PIK3C2G: variants seen among roughly 807,000 people sequenced by gnomAD.
PIK3C2G encodes the protein phosphatidylinositol-4-phosphate 3-kinase catalytic subunit type 2 gamma.
A neutral mutation model predicts 181.1 loss-of-function variants in PIK3C2G; 168 were observed. That is an observed-to-expected ratio of 0.93 (90% CI 0.82 to 1.05). The LOEUF is 1.05. Among genes scored for constraint, PIK3C2G ranks in the 50% least tolerant of loss-of-function variants. The pLI, the probability that PIK3C2G is intolerant of heterozygous loss-of-function variation, is 0.00. For synonymous variants in PIK3C2G, 573 were observed against 592.2 expected, an observed-to-expected ratio of 0.97 and a Z score of 0.47; for missense variants, 1,869 against 1,732.8, an observed-to-expected ratio of 1.08 and a Z score of -1.40.
chr12:18,403,802 C>T (rs530737418), intron 16 of PIK3C2G, among the ~76,000 whole-genome samples: 19 of 152,214 alleles, frequency 1.2e-4, no homozygotes, highest in African/African-American at 4.3e-4. Flanking sequence ...GAAGGGGGTG[C>T]TGTCAGGAAA....
At chr12:18,630,667 A>G (rs924295492) in intron 31 of PIK3C2G, among the ~76,000 whole-genome samples, 10 of 151,088 alleles carry the variant, frequency 6.6e-5, no homozygotes, top group African/African-American at 2.4e-4. Context: ...ATATCAAACT[A>G]TTTTTAAAAC....
intron 25 of PIK3C2G, among the ~76,000 whole-genome samples, chr12:18,545,234 T>C (rs919968410): frequency 2.6e-5 from 4 of 151,884 alleles, no homozygotes; most frequent in African/African-American, 9.7e-5. Flanking sequence ...ACATCTTGCT[T>C]TCCTTTGTAT....
At chr12:18,720,633 A>T in the PIK3C2G span, among the ~76,000 whole-genome samples, 1 of 151,988 alleles carries the variant, frequency 6.6e-6, no homozygotes, top group Non-Finnish European at 1.5e-5. Flanking sequence ...TGCTATTATT[A>T]CTGTTGATAG....
At chr12:18,288,494 G>A (rs1949550191) in intron 3 of PIK3C2G, among the ~76,000 whole-genome samples, 1 of 152,062 alleles carries the variant, frequency 6.6e-6, no homozygotes, top group African/African-American at 2.4e-5. Context: ...ATCACCTCAA[G>A]TTCACGAAAA....
chr12:18,421,074 A>G (rs1945459081), intron 17 of PIK3C2G, 40 bp downstream of exon 17: 1 of 1,076,710 alleles, frequency 9.3e-7, no homozygotes, highest in Non-Finnish European at 1.4e-6. Context: ...CAGGGTTTTA[A>G]CTAATTATCT....
At chr12:18,438,100 T>C (rs918094085) in intron 18 of PIK3C2G, among the ~76,000 whole-genome samples, 48 of 152,056 alleles carry the variant, frequency 3.2e-4, no homozygotes, top group African/African-American at 1.2e-3. Flanking sequence ...AGAGTCATTT[T>C]TCCAACCCTT....
chr12:18,576,294 TGGGGTAGG>T (rs1166370279), intron 29 of PIK3C2G, among the ~76,000 whole-genome samples: 2 of 152,182 alleles, frequency 1.3e-5, no homozygotes, highest in Non-Finnish European at 2.9e-5. Context: ...CTGCCAGCTC[TGGGGTAGG>T]CTGCACTGGT....
intron 8 of PIK3C2G, among the ~76,000 whole-genome samples, chr12:18,330,727 T>A (rs1937861908): frequency 6.6e-6 from 1 of 152,118 alleles, no homozygotes; most frequent in Non-Finnish European, 1.5e-5. Context: ...GTAAACTCCC[T>A]CCTGCACACG....
intron 11 of PIK3C2G, among the ~76,000 whole-genome samples, chr12:18,351,613 T>C (rs1044422659): frequency 1.3e-5 from 2 of 152,342 alleles, no homozygotes; most frequent in Non-Finnish European, 2.9e-5. Flanking sequence ...AGTTGTCCCT[T>C]GTTATCTGCA....
At position 18,505,297 on chromosome 12, in the gene PIK3C2G, G is replaced by A. The variant is rs139834548; in HGVS notation, c.3159G>A (p.Leu1053=). The A allele has an allele frequency of 1.1e-3, 1,715 of 1,594,430 alleles. 21 individuals are homozygous for A. In the African/African-American group the frequency reaches 0.02, roughly 19 times the overall value. ...NHLKADYEKA[L]RNFFYSCAGW... ...ATTGTTTTTCAATGAATTAGGCCTT[G>A]AGGAACTTTTTCTACTCCTGTGCTG... The change falls in exon 24 of 33, where the codon TTG becomes TTA. Residue 1053 remains leucine, a synonymous_variant. Transcript: ENST00000538779.
intron 21 of PIK3C2G, 106 bp from the exon 22 acceptor site, chr12:18,497,513 A>T (rs1339137619): frequency 5.1e-6 from 4 of 778,044 alleles, no homozygotes; most frequent in Non-Finnish European, 7.6e-6. Context: ...ACTCTAAGTC[A>T]GGCTAGAAAT....
intron 18 of PIK3C2G, among the ~76,000 whole-genome samples, chr12:18,447,341 G>C (rs1032401540): frequency 1.3e-5 from 2 of 152,250 alleles, no homozygotes; most frequent in East Asian, 1.9e-4. Flanking sequence ...ACAGATTTTT[G>C]TCCAGACAGA....
chr12:18,260,162 TC>T (rs146640658), upstream of PIK3C2G, among the ~76,000 whole-genome samples: 12,743 of 152,046 alleles, frequency 0.084, 641 homozygotes, highest in South Asian at 0.12. Context: ...CTCTCATAAG[TC>T]CTCCTGAAAA....
At chr12:18,411,121 C>T (rs1424041307) in intron 16 of PIK3C2G, among the ~76,000 whole-genome samples, 2 of 152,048 alleles carry the variant, frequency 1.3e-5, no homozygotes, top group African/African-American at 4.8e-5. Context: ...AGACAGATTA[C>T]ATTGCTTACT....
rs184114990 is a variant in PIK3C2G at position 18,552,118 on chromosome 12, C to T, written c.3590+5686C>T. Among the ~76,000 whole-genome samples the T allele has an allele frequency of 2.0e-4, 31 of 152,162 alleles. No homozygotes were observed. The East Asian group carries it at 4.9e-3, about 24-fold the overall frequency. On this transcript the variant is annotated intron_variant, in intron 26 of 32. Transcript: ENST00000538779. ...CATCCAACAGGTACAACTTTGAAGCCGTTGGAAATGTGGATGGCATCCCGA... is the reference window on the plus strand; with the variant it reads ...CATCCAACAGGTACAACTTTGAAGCTGTTGGAAATGTGGATGGCATCCCGA...
At chr12:18,698,285 C>G in the PIK3C2G span, among the ~76,000 whole-genome samples, 3 of 151,884 alleles carry the variant, frequency 2.0e-5, no homozygotes, top group Admixed American at 2.0e-4. Context: ...CTATTCTATT[C>G]TACTCCATTC....
intron 29 of PIK3C2G, among the ~76,000 whole-genome samples, chr12:18,592,136 T>C (rs948657293): frequency 6.6e-6 from 1 of 151,754 alleles, no homozygotes; most frequent in African/African-American, 2.4e-5. Context: ...TATTTTGAGA[T>C]AGAAGGCTTA....
intron 31 of PIK3C2G, among the ~76,000 whole-genome samples, chr12:18,625,392 G>A (rs553219597): frequency 1.3e-5 from 2 of 151,774 alleles, no homozygotes; most frequent in African/African-American, 2.4e-5. Flanking sequence ...GGTACTTGCT[G>A]TGATTTCAAT....
At chr12:18,582,642 T>C (rs1159197566) in intron 29 of PIK3C2G, among the ~76,000 whole-genome samples, 1 of 152,092 alleles carries the variant, frequency 6.6e-6, no homozygotes, top group Admixed American at 6.5e-5. Flanking sequence ...CCTGGCAGGA[T>C]GAGACCCACT....
Sources: allele counts gnomAD v4.1 joint callset (sites outside exome capture counted in the v4.1 genomes callset), GRCh38; gene constraint gnomAD v4.1.1; transcripts MANE v1.5; gene names NCBI Gene and HGNC (gene_info 2026-07-23, HGNC 2026-07-21).